The following TAF10 variants were observed in gnomAD, a reference collection of about 807,000 sequenced individuals.
TAF10 encodes transcription initiation factor TFIID subunit 10.
TAF10 carries 2 observed loss-of-function variants against 18.1 expected under a neutral mutation model. The ratio of observed to expected loss-of-function variants is 0.11; its 90% CI spans 0.05 to 0.35. The LOEUF (loss-of-function observed/expected upper bound fraction) is 0.35. Ranked by LOEUF, TAF10 falls within the 10% of genes least tolerant of loss-of-function variation. The pLI is 1.00. For synonymous variants in TAF10, 158 were observed against 134.6 expected, an observed-to-expected ratio of 1.17 and a Z score of -1.20; for missense variants, 293 against 306.9, an observed-to-expected ratio of 0.95 and a Z score of 0.34.
At position 6,608,319 on chromosome 11, in the gene TAF10, T is replaced by C; in HGVS notation, c.*2603A>G. ...ATGTGTGCTCTTCCCCCTTTTCCCA[T>C]GCCCTGACACCAGTATCTCATTTGG... is the stretch of plus-strand genomic sequence containing the variant. On this transcript the variant is annotated 3_prime_UTR_variant, in exon 5 of 5. Coordinates refer to ENST00000299424, the MANE Select transcript of TAF10 (RefSeq NM_006284.4). This position sits in a 1 kb window ranked among gnomAD's most constrained non-coding sequence, Gnocchi z 4.9. 1 of 1,570,180 alleles carries C rather than the reference T, an allele frequency of 6.4e-7. No homozygotes were observed. Among genetic ancestry groups the C allele is most frequent in the Non-Finnish European group, 8.8e-7 (1 of 1,140,074 alleles).
rs752854564 is a variant in TAF10, at chr11:6,611,680, T to G, written c.371A>C (p.Glu124Ala). The change falls in exon 2 of 5, where the codon GAA becomes GCA. Residue 124 changes from glutamate (E) to alanine (A), a missense_variant. By Grantham distance (107) the Glu-to-Ala change is moderately radical. Coordinates refer to ENST00000299424, the MANE Select transcript of TAF10 (RefSeq NM_006284.4). ...GAAGCCCACCGTAGGCGTGTAATCT[T>G]CCAGCTGCATCAAGAAGTCCACCAA... is the stretch of plus-strand genomic sequence containing the variant. The part of the protein sequence containing the change: ...TPLVDFLMQL[E>A]DYTPTIPDAV... The G allele has an allele frequency of 1.3e-6, 2 of 1,596,070 alleles. No homozygotes were observed. The highest frequency in any genetic ancestry group is 2.3e-5 in the South Asian group (2 of 88,782).
Position 6,609,686 on chromosome 11 carries a change from G to C in TAF10, c.*1236C>G, listed in dbSNP as rs1053720586. 4 of 1,614,168 alleles carry C rather than the reference G, an allele frequency of 2.5e-6. No homozygotes were observed. Among genetic ancestry groups the C allele is most frequent in the Non-Finnish European group, 2.5e-6 (3 of 1,180,024 alleles). On this transcript the variant is annotated 3_prime_UTR_variant, in exon 5 of 5. Coordinates refer to ENST00000299424, the MANE Select transcript of TAF10 (RefSeq NM_006284.4). ...CCTTGGGGAGGAAATGGCAGAGAGG[G>C]AGCCTCTCTGAACTATTTGACTTTT... is the stretch of plus-strand genomic sequence containing the variant.
In TAF10 at chr11:6,608,435, C is replaced by T. The variant is rs1043388; in HGVS notation, c.*2487G>A. On this transcript the variant is annotated 3_prime_UTR_variant, in exon 5 of 5. Coordinates refer to ENST00000299424, the MANE Select transcript of TAF10 (RefSeq NM_006284.4). This position sits in a 1 kb window ranked among gnomAD's most constrained non-coding sequence, Gnocchi z 4.9. ...CAGACATCAATGCAGTGAATGAACA[C>T]GGGAATGTGCCCCTGCACTATGCCT... 0.26 allele frequency: 420,212 copies of T among 1,613,042 alleles called. 56,066 individuals carry two copies. Among genetic ancestry groups the T allele is most frequent in the African/African-American group, 0.38 (28,557 of 74,912 alleles).
Position 6,610,488 on chromosome 11 carries a change from C to T in TAF10, c.*434G>A, listed in dbSNP as rs569395635. The T allele has an allele frequency of 1.9e-6, 3 of 1,614,220 alleles. No homozygotes were observed. The Admixed American group carries it at 5.0e-5, about 27-fold the overall frequency. Reference sequence around the variant, plus strand: ...TGGCATTGGAAGGCCTTCGGCCTACCATCCCACCAGGTATTTCCCCTCATG... The same window carrying T: ...TGGCATTGGAAGGCCTTCGGCCTACTATCCCACCAGGTATTTCCCCTCATG... On this transcript the variant is annotated 3_prime_UTR_variant, in exon 5 of 5. Transcript: ENST00000299424.
chr11:6,608,023 T>C lies in TAF10; in HGVS notation c.*2899A>G. On this transcript the variant is annotated 3_prime_UTR_variant, in exon 5 of 5. Coordinates refer to ENST00000299424, the MANE Select transcript of TAF10 (RefSeq NM_006284.4). This position sits in a 1 kb window ranked among gnomAD's most constrained non-coding sequence, Gnocchi z 4.9. ...TTGCCCCATCCCACCTCCAGCTCAA[T>C]GACCATTGCCCCTTCCTCAAAGGGA... The C allele has an allele frequency of 6.2e-7, 1 of 1,613,374 alleles. No individual in the cohort carries two copies. The highest frequency in any genetic ancestry group is 8.5e-7 in the Non-Finnish European group (1 of 1,179,822).
Position 6,610,926 on chromosome 11 carries a change from G to C in TAF10, c.653C>G (p.Thr218Ser), listed in dbSNP as rs372963801. Residue 218 changes from threonine (T) to serine (S), a missense_variant, in exon 5 of 5, where the codon ACC becomes AGC. Physicochemically the swap from Thr to Ser is moderately conservative, Grantham distance 58. Coordinates refer to ENST00000299424, the MANE Select transcript of TAF10 (RefSeq NM_006284.4). ...AGTACATTTAGGTTGGGTGGCTCAG[G>C]TGAAGTAGTGCGGCTTCTTCACATT... ...GINVKKPHYF[T>S] 14 of 1,614,102 alleles carry C rather than the reference G, an allele frequency of 8.7e-6. No individual in the cohort carries two copies. The highest frequency in any genetic ancestry group is 1.2e-5 in the Non-Finnish European group (14 of 1,180,042).
intron 2 of TAF10, 86 bp downstream of exon 2, chr11:6,611,578 A>C (rs1221136696): frequency 6.3e-6 from 10 of 1,587,526 alleles, no homozygotes; most frequent in Middle Eastern, 1.7e-4. Context: ...CGACTAGGGG[A>C]GCAAATGGAA....
chr11:6,607,697 G>A lies in TAF10; in HGVS notation c.*3225C>T, dbSNP rs1479445957. On this transcript the variant is annotated 3_prime_UTR_variant, in exon 5 of 5. Transcript: ENST00000299424. Reference sequence around the variant, plus strand: ...ATCCAGTGCAACAAGTGCTGAAGTAGGGGGACATATAAGATGTGGTGGAAA... The same window carrying A: ...ATCCAGTGCAACAAGTGCTGAAGTAAGGGGACATATAAGATGTGGTGGAAA... The A allele has an allele frequency of 1.1e-5, 4 of 349,996 alleles. No individual in the cohort carries two copies. Among genetic ancestry groups the A allele is most frequent in the African/African-American group, 8.5e-5 (4 of 47,204 alleles). The allele number at this position is 349,996 out of a possible 1,614,324, so 21.7% of individuals were successfully genotyped here.
In TAF10 at chr11:6,607,740, A is replaced by C. The variant is rs776278545; in HGVS notation, c.*3182T>G. On this transcript the variant is annotated 3_prime_UTR_variant, in exon 5 of 5. Transcript: ENST00000299424. ...GGTGGAAAACAGAAAGGACCAATAG[A>C]TGTTGCAGAAGGGGTGCAAGAGAAA... is the stretch of plus-strand genomic sequence containing the variant. 9.5e-6 allele frequency: 4 copies of C among 423,178 alleles called. No individual in the cohort carries two copies. The highest frequency in any genetic ancestry group is 1.8e-5 in the Non-Finnish European group (4 of 226,956). The allele number at this position is 423,178 out of a possible 1,614,324, so 26.2% of individuals were successfully genotyped here. A position where few individuals can be genotyped will look rare whatever the true frequency, so the allele number is the denominator to read the frequency against.
chr11:6,607,539 T>TA lies in TAF10; in HGVS notation c.*3382dup, dbSNP rs1855049010. Reference sequence around the variant, plus strand: ...CAAATAGTAAGTTTGTTCCCTCTTCTATAAGTTGTGGCCTGCCTTCTCCAA... The same window carrying TA: ...CAAATAGTAAGTTTGTTCCCTCTTCTAATAAGTTGTGGCCTGCCTTCTCCAA... On this transcript the variant is annotated 3_prime_UTR_variant, in exon 5 of 5. Coordinates refer to ENST00000299424, the MANE Select transcript of TAF10 (RefSeq NM_006284.4). The TA allele has an allele frequency of 5.8e-6, 1 of 170,958 alleles. No homozygotes were observed. Among genetic ancestry groups the TA allele is most frequent in the Admixed American group, 5.6e-5 (1 of 17,850 alleles). 10.6% of individuals were successfully genotyped at this position (170,958 alleles called of 1,614,324 possible).
Position 6,607,925 on chromosome 11 carries a change from G to A in TAF10, c.*2997C>T. Reference sequence around the variant, plus strand: ...AGCTTTGGGAGTTGCTGGCATGAATGAGAATCAAAGTCCTAGAGAGGTAAG... The same window carrying A: ...AGCTTTGGGAGTTGCTGGCATGAATAAGAATCAAAGTCCTAGAGAGGTAAG... On this transcript the variant is annotated 3_prime_UTR_variant, in exon 5 of 5. Coordinates refer to ENST00000299424, the MANE Select transcript of TAF10 (RefSeq NM_006284.4). The A allele has an allele frequency of 9.7e-7, 1 of 1,033,102 alleles. No individual in the cohort carries two copies. The highest frequency in any genetic ancestry group is 2.6e-5 in the East Asian group (1 of 38,404). The allele number at this position is 1,033,102 out of a possible 1,614,324, so 64.0% of individuals were successfully genotyped here. A position where few individuals can be genotyped will look rare whatever the true frequency, so the allele number is the denominator to read the frequency against.
In TAF10 at chr11:6,612,097, G is replaced by C; in HGVS notation, c.93C>G (p.Ala31=). 4.1e-6 allele frequency: 5 copies of C among 1,227,858 alleles called. No homozygotes were observed. Among genetic ancestry groups the C allele is most frequent in the Non-Finnish European group, 5.1e-6 (5 of 985,612 alleles). 76.1% of individuals were successfully genotyped at this position (1,227,858 alleles called of 1,614,324 possible). Residue 31 remains alanine (A), a synonymous_variant, in exon 1 of 5, where the codon GCC becomes GCG. Transcript: ENST00000299424. ...PGPAPPVSAP[A]ALPSSTAAEN... is the part of the protein sequence containing the mutation. ...CCGCGGCGGTGCTGGAGGGCAGCGC[G>C]GCGGGAGCCGAGACCGGGGGCGCGG...
chr11:6,607,983 C>CA lies in TAF10; in HGVS notation c.*2938dup. The CA allele has an allele frequency of 6.5e-7, 1 of 1,546,286 alleles. No homozygotes were observed. Among genetic ancestry groups the CA allele is most frequent in the South Asian group, 1.1e-5 (1 of 89,010 alleles). ...AGAGAGTATGTAATTATCAGTTTTT[C>CA]AGGAATCAAAACCTTTGCCCCATCC... On this transcript the variant is annotated 3_prime_UTR_variant, in exon 5 of 5. Transcript: ENST00000299424.
Position 6,608,314 on chromosome 11 carries a change from T to G in TAF10, c.*2608A>C. The G allele has an allele frequency of 6.4e-7, 1 of 1,569,742 alleles. No individual in the cohort carries two copies. The highest frequency in any genetic ancestry group is 8.8e-7 in the Non-Finnish European group (1 of 1,139,580). On this transcript the variant is annotated 3_prime_UTR_variant, in exon 5 of 5. Transcript: ENST00000299424. The surrounding 1 kb of genome is among the most constrained non-coding windows in gnomAD (Gnocchi z 4.9). ...AAAGCATGTGTGCTCTTCCCCCTTT[T>G]CCCATGCCCTGACACCAGTATCTCA...
At position 6,608,344 on chromosome 11, in the gene TAF10, G is replaced by A; in HGVS notation, c.*2578C>T. On this transcript the variant is annotated 3_prime_UTR_variant, in exon 5 of 5. Transcript: ENST00000299424. This position sits in a 1 kb window ranked among gnomAD's most constrained non-coding sequence, Gnocchi z 4.9. ...TGCCCTGACACCAGTATCTCATTTG[G>A]AACTGACTGTACTTTCTGCCTCTTC... The A allele has an allele frequency of 1.3e-6, 2 of 1,587,946 alleles. No individual in the cohort carries two copies. Among genetic ancestry groups the A allele is most frequent in the Non-Finnish European group, 1.7e-6 (2 of 1,156,220 alleles).
In TAF10 at chr11:6,610,063, A is replaced by T. The variant is rs1311338501; in HGVS notation, c.*859T>A. Reference sequence around the variant, plus strand: ...GAGTGAAGTCATCATGTCGGGAGGTAAAAAAGGACCACCTCAGAAGTAGTG... The same window carrying T: ...GAGTGAAGTCATCATGTCGGGAGGTTAAAAAGGACCACCTCAGAAGTAGTG... On this transcript the variant is annotated 3_prime_UTR_variant, in exon 5 of 5. Transcript: ENST00000299424. The T allele has an allele frequency of 1.2e-6, 2 of 1,613,840 alleles. No homozygotes were observed. The highest frequency in any genetic ancestry group is 2.7e-5 in the African/African-American group (2 of 75,028).
In TAF10 at chr11:6,609,082, C is replaced by T. The variant is rs1855232622; in HGVS notation, c.*1840G>A. ...GCCCACACTCTTAGGAAATGGAACC[C>T]TGAACAAACACTCTGGCATTGACTT... On this transcript the variant is annotated 3_prime_UTR_variant, in exon 5 of 5. Coordinates refer to ENST00000299424, the MANE Select transcript of TAF10 (RefSeq NM_006284.4). 6.2e-7 allele frequency: 1 copy of T among 1,614,022 alleles called. No homozygotes were observed. The highest frequency in any genetic ancestry group is 1.3e-5 in the African/African-American group (1 of 74,924).
intron 2 of TAF10, 102 bp from the exon 3 acceptor site, chr11:6,611,554 C>G (rs2134582567): frequency 6.3e-7 from 1 of 1,594,226 alleles, no homozygotes; most frequent in Non-Finnish European, 8.6e-7. Context: ...GAGCAGAGGG[C>G]AAACACAGAA....
Position 6,607,945 on chromosome 11 carries a change from G to A in TAF10, c.*2977C>T. 1.6e-6 allele frequency: 2 copies of A among 1,238,762 alleles called. No individual in the cohort carries two copies. Among genetic ancestry groups the A allele is most frequent in the South Asian group, 2.5e-5 (2 of 78,558 alleles). 76.7% of individuals were successfully genotyped at this position (1,238,762 alleles called of 1,614,324 possible). A position where few individuals can be genotyped will look rare whatever the true frequency, so the allele number is the denominator to read the frequency against. On this transcript the variant is annotated 3_prime_UTR_variant, in exon 5 of 5. Coordinates refer to ENST00000299424, the MANE Select transcript of TAF10 (RefSeq NM_006284.4). ...TGAATGAGAATCAAAGTCCTAGAGAGGTAAGCCTTCCCAGAGAGTATGTAA... is the reference window on the plus strand; with the variant it reads ...TGAATGAGAATCAAAGTCCTAGAGAAGTAAGCCTTCCCAGAGAGTATGTAA...
Sources: allele counts gnomAD v4.1 joint callset, GRCh38; gene constraint gnomAD v4.1.1; non-coding constraint Gnocchi (gnomAD v3.1); transcripts MANE v1.5; gene names NCBI Gene and HGNC (gene_info 2026-07-23, HGNC 2026-07-21).